The following PDE3B variants were observed in gnomAD, a reference collection of about 807,000 sequenced individuals.
The protein encoded by PDE3B is cGMP-inhibited 3',5'-cyclic phosphodiesterase 3B.
PDE3B carries 66 observed loss-of-function variants against 116.8 expected under a neutral mutation model. The observed-to-expected ratio is 0.56, with a 90% CI of 0.46 to 0.69. The LOEUF (loss-of-function observed/expected upper bound fraction) is 0.69. Ranked by LOEUF, PDE3B falls within the 30% of genes least tolerant of loss-of-function variation. The probability of loss-of-function intolerance (pLI) is 0.00; values close to 1 mark genes in which losing one functional copy is unlikely to be tolerated. For synonymous variants in PDE3B, 595 were observed against 533.6 expected (o/e 1.12, Z -1.59); for missense variants, 1,384 against 1,368.1 (o/e 1.01, Z -0.18).
intron 3 of PDE3B, among the ~76,000 whole-genome samples, chr11:14,788,449 T>C (rs765618445): frequency 1.1e-4 from 17 of 151,982 alleles, no homozygotes; most frequent in Non-Finnish European, 2.5e-4. Flanking sequence ...CAGATACTTA[T>C]CTCTGAGATT....
chr11:14,771,487 A>G (rs1371594846), intron 1 of PDE3B, among the ~76,000 whole-genome samples: 3 of 151,762 alleles, frequency 2.0e-5, no homozygotes, highest in Non-Finnish European at 4.4e-5. Flanking sequence ...ATTCTTTTAT[A>G]CTTAATCTAA....
At chr11:14,799,091 G>A (rs949701998) in intron 4 of PDE3B, among the ~76,000 whole-genome samples, 13 of 151,916 alleles carry the variant, frequency 8.6e-5, no homozygotes, top group Non-Finnish European at 1.3e-4. Context: ...TTCCTTTTAC[G>A]CACTGCTTTA....
At chr11:14,735,174 C>A (rs1298968643) in intron 1 of PDE3B, among the ~76,000 whole-genome samples, 1 of 151,982 alleles carries the variant, frequency 6.6e-6, no homozygotes, top group African/African-American at 2.4e-5. Flanking sequence ...GGCATTGGAC[C>A]CATACCTCTG....
At chr11:14,844,650 G>A (rs966427694) in intron 12 of PDE3B, among the ~76,000 whole-genome samples, 5 of 152,322 alleles carry the variant, frequency 3.3e-5, no homozygotes, top group East Asian at 1.9e-4. Flanking sequence ...ACGCTTTTCC[G>A]ACGGGCTTAA....
chr11:14,660,599 T>C (rs1161481039), intron 1 of PDE3B, among the ~76,000 whole-genome samples: 3 of 152,120 alleles, frequency 2.0e-5, no homozygotes, highest in Non-Finnish European at 4.4e-5. Flanking sequence ...CCACTATTCC[T>C]GGCCCCTTCT....
intron 1 of PDE3B, among the ~76,000 whole-genome samples, chr11:14,725,541 T>TCCCCC (rs1856278576): frequency 1.8e-5 from 1 of 54,724 alleles, no homozygotes; most frequent in Non-Finnish European, 3.4e-5. Flanking sequence ...TCCCCTCCCC[T>TCCCCC]CCCCTCTCCC....
chr11:14,686,153 C>A (rs1004812947), intron 1 of PDE3B, among the ~76,000 whole-genome samples: 1 of 152,176 alleles, frequency 6.6e-6, no homozygotes, highest in Non-Finnish European at 1.5e-5. Flanking sequence ...TGATGGAATT[C>A]TGCCTGGGTT....
At chr11:14,826,189 C>T (rs773461561) in intron 7 of PDE3B, among the ~76,000 whole-genome samples, 12 of 152,210 alleles carry the variant, frequency 7.9e-5, no homozygotes, top group African/African-American at 9.6e-5. Flanking sequence ...AATTAACAAC[C>T]TAATATCACC....
the PDE3B span, among the ~76,000 whole-genome samples, chr11:14,883,450 A>G: frequency 1.3e-5 from 2 of 152,238 alleles, no homozygotes; most frequent in Non-Finnish European, 1.5e-5. Context: ...TCCCTATTTA[A>G]TAAATGGTGC....
the PDE3B span, among the ~76,000 whole-genome samples, chr11:14,893,325 A>G: frequency 6.6e-6 from 1 of 152,238 alleles, no homozygotes; most frequent in Non-Finnish European, 1.5e-5. Context: ...GAGATACTTT[A>G]GCAGGCAAGG....
At chr11:14,790,878 C>G (rs1858361206) in intron 4 of PDE3B, among the ~76,000 whole-genome samples, 1 of 152,032 alleles carries the variant, frequency 6.6e-6, no homozygotes, top group African/African-American at 2.4e-5. Flanking sequence ...GAAACATTTA[C>G]AACCACTATT....
intron 5 of PDE3B, among the ~76,000 whole-genome samples, chr11:14,809,147 G>C (rs914699823): frequency 2.0e-5 from 3 of 152,186 alleles, no homozygotes; most frequent in African/African-American, 7.2e-5. Context: ...CTGGCATAGA[G>C]ATATTTCTAT....
At chr11:14,898,559 A>C in the PDE3B span, among the ~76,000 whole-genome samples, 16 of 152,300 alleles carry the variant, frequency 1.1e-4, no homozygotes, top group Admixed American at 1.0e-3. Flanking sequence ...AAATTGGAAG[A>C]AATTTTGATT....
chr11:14,887,919 T>A, the PDE3B span, among the ~76,000 whole-genome samples: 1 of 152,182 alleles, frequency 6.6e-6, no homozygotes, highest in Non-Finnish European at 1.5e-5. Context: ...AACAACAACC[T>A]CCTAACTGGC....
intron 1 of PDE3B, among the ~76,000 whole-genome samples, chr11:14,660,370 C>T (rs867954480): frequency 1.3e-5 from 2 of 150,490 alleles, no homozygotes; most frequent in Middle Eastern, 3.4e-3. Context: ...GGCATGATCT[C>T]GGCTCACTGC....
chr11:14,771,885 T>C (rs1290535148), intron 1 of PDE3B, 52 bp from the exon 2 acceptor site: 4 of 746,464 alleles, frequency 5.4e-6, no homozygotes, highest in Non-Finnish European at 8.4e-6. Flanking sequence ...TGTCTTTACA[T>C]ATACTTTTTT....
At chr11:14,735,114 C>G (rs1011908117) in intron 1 of PDE3B, among the ~76,000 whole-genome samples, 1 of 152,016 alleles carries the variant, frequency 6.6e-6, no homozygotes, top group Non-Finnish European at 1.5e-5. Context: ...AGAAAAAGCA[C>G]TCATAAATAT....
chr11:14,890,723 T>A, the PDE3B span, among the ~76,000 whole-genome samples: 1 of 151,816 alleles, frequency 6.6e-6, no homozygotes, highest in Non-Finnish European at 1.5e-5. Context: ...ATTTTTTGTA[T>A]TCTTTTAGTA....
At chr11:14,781,172 G>T (rs571295762) in intron 2 of PDE3B, among the ~76,000 whole-genome samples, 8 of 152,130 alleles carry the variant, frequency 5.3e-5, no homozygotes, top group Non-Finnish European at 1.2e-4. Context: ...CAATAATTAA[G>T]AGCCTACCAA....
Sources: allele counts gnomAD v4.1 joint callset (sites outside exome capture counted in the v4.1 genomes callset), GRCh38; gene constraint gnomAD v4.1.1; transcripts MANE v1.5; gene names NCBI Gene and HGNC (gene_info 2026-07-23, HGNC 2026-07-21).